Variants in ASXL3 observed in about 807,000 individuals in gnomAD.
The protein encoded by ASXL3 is ASXL transcriptional regulator 3.
Under a neutral mutation model 170.6 loss-of-function variants are expected in ASXL3, and 34 were observed. The ratio of observed to expected loss-of-function variants is 0.20; its 90% CI spans 0.15 to 0.27. The LOEUF (loss-of-function observed/expected upper bound fraction) is 0.27. Ranked by LOEUF, ASXL3 falls within the 10% of genes least tolerant of loss-of-function variation. The pLI is 1.00. For missense variants in ASXL3, 2,592 were observed against 2,695.3 expected (o/e 0.96, Z 0.85); for synonymous variants, 1,002 against 989.1 (o/e 1.01, Z -0.24).
chr18:33,594,289 A>G (rs1052113790), intron 1 of ASXL3, among the ~76,000 whole-genome samples: 1 of 152,112 alleles, frequency 6.6e-6, no homozygotes, highest in African/African-American at 2.4e-5. Flanking sequence ...CTTACTTTGT[A>G]TTTCTTTTTT....
chr18:33,646,043 CA>C (rs561318920), intron 3 of ASXL3, among the ~76,000 whole-genome samples: 68 of 135,302 alleles, frequency 5.0e-4, no homozygotes, highest in Non-Finnish European at 8.4e-4. Context: ...AAAATTTATC[CA>C]AAAAAAAAAT....
chr18:33,591,676 C>G (rs1054117240), intron 1 of ASXL3, among the ~76,000 whole-genome samples: 1 of 149,130 alleles, frequency 6.7e-6, no homozygotes, highest in African/African-American at 2.5e-5. Context: ...AAGTCTTTCT[C>G]TGTCGCCCAG....
intron 10 of ASXL3, among the ~76,000 whole-genome samples, chr18:33,735,160 G>C (rs1031022636): frequency 1.3e-5 from 2 of 152,180 alleles, no homozygotes; most frequent in African/African-American, 4.8e-5. Flanking sequence ...ACCAATACTT[G>C]AAAGTTGTTA....
At chr18:33,619,204 G>C (rs188435209) in intron 2 of ASXL3, among the ~76,000 whole-genome samples, 15 of 152,194 alleles carry the variant, frequency 9.9e-5, no homozygotes, top group Admixed American at 8.5e-4. Flanking sequence ...GTCTGACTTA[G>C]AGCCAATTGT....
In ASXL3 at chr18:33,742,955, G is replaced by A. The variant is rs776506817; in HGVS notation, c.3107G>A (p.Arg1036Gln). The A allele has an allele frequency of 1.9e-6, 3 of 1,613,606 alleles. No homozygotes were observed. The highest frequency in any genetic ancestry group is 2.5e-6 in the Non-Finnish European group (3 of 1,179,786). ...KSQPVSKPESRASTSTSVSGG... is the reference protein window; with the variant it reads ...KSQPVSKPESQASTSTSVSGG... The stretch of plus-strand genomic sequence containing the variant: ...CAACCAGTCTCCAAACCTGAGTCTC[G>A]AGCATCCACTAGCACATCTGTCAGT... The change falls in exon 12 of 12, where the codon CGA becomes CAA. Residue 1036 changes from arginine (R) to glutamine (Q), a missense_variant. By Grantham distance (43) the Arg-to-Gln change is conservative. Coordinates refer to ENST00000269197, the MANE Select transcript of ASXL3 (RefSeq NM_030632.3).
intron 3 of ASXL3, 135 bp from the exon 4 acceptor site, chr18:33,646,110 C>T: frequency 1.8e-6 from 1 of 562,338 alleles, no homozygotes; most frequent in Non-Finnish European, 2.9e-6. Context: ...AATGATTTTA[C>T]ATTAAAAAGT....
At chr18:33,697,752 C>T (rs7239498) in intron 8 of ASXL3, among the ~76,000 whole-genome samples, 85,263 of 151,732 alleles carry the variant, frequency 0.56, 24,328 homozygotes, top group East Asian at 0.87. Context: ...GCCTGTAATC[C>T]TAGCACTTTG....
rs116636408 is a variant in ASXL3, at chr18:33,621,364, G to A, written c.137+13688G>A. Among the ~76,000 whole-genome samples, 717 of 152,230 alleles carry A rather than the reference G, an allele frequency of 4.7e-3. 7 individuals are homozygous for A. Among genetic ancestry groups the A allele is most frequent in the African/African-American group, 0.016 (681 of 41,538 alleles). ...AGAAGGATCAATGTTCTGTTCTTAC[G>A]TACTATTGAAATGGAACTATTGAAA... On this transcript the variant is annotated intron_variant, in intron 2 of 11. Coordinates refer to ENST00000269197, the MANE Select transcript of ASXL3 (RefSeq NM_030632.3).
At chr18:33,581,435 T>C (rs994172462) in intron 1 of ASXL3, among the ~76,000 whole-genome samples, 2 of 151,950 alleles carry the variant, frequency 1.3e-5, no homozygotes, top group African/African-American at 4.8e-5. Flanking sequence ...TTCCAATTCA[T>C]GCAGAATATG....
intron 9 of ASXL3, 50 bp downstream of exon 9, chr18:33,732,114 G>A (rs529895456): frequency 3.5e-5 from 49 of 1,413,602 alleles, no homozygotes; most frequent in South Asian, 1.1e-4. Flanking sequence ...TACACATACC[G>A]TACTGAGCTT....
intron 1 of ASXL3, among the ~76,000 whole-genome samples, chr18:33,606,705 T>C (rs1166965914): frequency 6.6e-6 from 1 of 151,980 alleles, no homozygotes; most frequent in African/African-American, 2.4e-5. Context: ...TAATTAGGTG[T>C]CATCTACCCT....
At position 33,738,539 on chromosome 18, in the gene ASXL3, G is replaced by T. The variant is rs746830380; in HGVS notation, c.1135G>T (p.Ala379Ser). 23 of 1,613,672 alleles carry T rather than the reference G, an allele frequency of 1.4e-5. No homozygotes were observed. Among genetic ancestry groups the T allele is most frequent in the Non-Finnish European group, 1.9e-5 (23 of 1,179,766 alleles). ...GAAGCTCACTACTGGACCAAACAAC[G>T]CTGGAGCTCAAAGTAGTTCTTCATG... is the stretch of plus-strand genomic sequence containing the variant. Reference protein sequence around the residue: ...SVKLTTGPNNAGAQSSSSCGT... With the variant: ...SVKLTTGPNNSGAQSSSSCGT... The change falls in exon 11 of 12, where the codon GCT becomes TCT. Residue 379 changes from alanine (A) to serine (S), a missense_variant. Physicochemically the swap from Ala to Ser is moderately conservative, Grantham distance 99. Around this residue, in one of 4 missense-constraint regions of ASXL3, gnomAD observed 2,246 missense variants for 2,219.6 expected, o/e 1.01. Transcript: ENST00000269197.
At chr18:33,661,942 TAGA>T (rs765916984) in intron 5 of ASXL3, among the ~76,000 whole-genome samples, 26 of 152,030 alleles carry the variant, frequency 1.7e-4, no homozygotes, top group East Asian at 3.9e-4. Flanking sequence ...TGATGTAAAA[TAGA>T]AGAAGGAATA....
chr18:33,600,775 C>A (rs2065175937), intron 1 of ASXL3, among the ~76,000 whole-genome samples: 1 of 152,080 alleles, frequency 6.6e-6, no homozygotes, highest in Non-Finnish European at 1.5e-5. Flanking sequence ...GTTTGAAACT[C>A]CAAAAACCAT....
At chr18:33,627,551 G>A (rs1019953574) in intron 2 of ASXL3, among the ~76,000 whole-genome samples, 2 of 152,100 alleles carry the variant, frequency 1.3e-5, no homozygotes, top group African/African-American at 4.8e-5. Context: ...TCTTGCTGAA[G>A]TTGTAGTCTC....
chr18:33,661,111 A>G (rs1475492676), intron 4 of ASXL3, among the ~76,000 whole-genome samples: 1 of 152,142 alleles, frequency 6.6e-6, no homozygotes, highest in Middle Eastern at 3.2e-3. Context: ...ATGCTTTATG[A>G]CTCAGCCCAT....
At position 33,646,244 on chromosome 18, in the gene ASXL3, G is replaced by T; in HGVS notation, c.247-1G>T. On this transcript the variant is annotated splice_acceptor_variant, in intron 3 of 11. Coordinates refer to ENST00000269197, the MANE Select transcript of ASXL3 (RefSeq NM_030632.3). LOFTEE classifies it high-confidence loss of function. ...AATCATCACTTTTCAAAATAATACA[G>T]AAAGAGGAGTCGTCATGCCCAGCAG... 1 of 1,609,312 alleles carries T rather than the reference G, an allele frequency of 6.2e-7. No individual in the cohort carries two copies. Among genetic ancestry groups the T allele is most frequent in the Non-Finnish European group, 8.5e-7 (1 of 1,176,850 alleles).
At chr18:33,638,175 ATATCT>A (rs750128759) in intron 2 of ASXL3, among the ~76,000 whole-genome samples, 43 of 150,194 alleles carry the variant, frequency 2.9e-4, no homozygotes, top group Non-Finnish European at 5.6e-4. Flanking sequence ...GTGTATATAT[ATATCT>A]TATGTGTATA....
At chr18:33,594,860 C>T (rs2065111344) in intron 1 of ASXL3, among the ~76,000 whole-genome samples, 1 of 152,098 alleles carries the variant, frequency 6.6e-6, no homozygotes. Flanking sequence ...CAGGCATGAA[C>T]CACCATGCCT....
Sources: allele counts gnomAD v4.1 joint callset (sites outside exome capture counted in the v4.1 genomes callset), GRCh38; gene constraint gnomAD v4.1.1; regional missense constraint gnomAD v4.1.1; transcripts MANE v1.5; gene names NCBI Gene and HGNC (gene_info 2026-07-23, HGNC 2026-07-21).